ADAMTS6: variants seen among roughly 807,000 people sequenced by gnomAD.
ADAMTS6 encodes ADAM metallopeptidase with thrombospondin type 1 motif 6, also known as A disintegrin and metalloproteinase with thrombospondin motifs 6.
Under a neutral mutation model 144.3 loss-of-function variants are expected in ADAMTS6, and 23 were observed. The observed-to-expected ratio is 0.16, with a 90% confidence interval of 0.11 to 0.23. The LOEUF (loss-of-function observed/expected upper bound fraction) is 0.23. ADAMTS6 is among the 10% of genes least tolerant of loss of function. The pLI, the probability that ADAMTS6 is intolerant of heterozygous loss-of-function variation, is 1.00. For synonymous variants in ADAMTS6, 444 were observed against 457.5 expected (o/e 0.97, Z 0.38); for missense variants, 999 against 1,379.6 (o/e 0.72, Z 4.37).
At position 65,391,419 on chromosome 5, in the gene ADAMTS6, T is replaced by TACACACAC. The variant is rs34581260; in HGVS notation, c.1074-57342_1074-57335dup. On this transcript the variant is annotated intron_variant, in intron 7 of 24. Transcript: ENST00000381055. Reference sequence around the variant, plus strand: ...TGCAGCCATGTTCTCTGTGTCTCTCTACACACACACACACACACACACACA... The same window carrying TACACACAC: ...TGCAGCCATGTTCTCTGTGTCTCTCTACACACACACACACACACACACACACACACACA... Among the ~76,000 whole-genome samples the TACACACAC allele has an allele frequency of 4.0e-5, 6 of 148,710 alleles. No individual in the cohort carries two copies. The East Asian group carries it at 1.2e-3, about 30-fold the overall frequency.
intron 7 of ADAMTS6, among the ~76,000 whole-genome samples, chr5:65,439,274 A>C (rs544863788): frequency 6.6e-6 from 1 of 152,196 alleles, no homozygotes; most frequent in Admixed American, 6.5e-5. Context: ...TAAAATTTTC[A>C]TAAGAAAGTA....
intron 7 of ADAMTS6, among the ~76,000 whole-genome samples, chr5:65,442,114 C>G (rs1360963939): frequency 2.7e-5 from 4 of 147,548 alleles, no homozygotes; most frequent in Non-Finnish European, 6.0e-5. Flanking sequence ...AAAACGAAAC[C>G]AAATTTGAGA....
intron 11 of ADAMTS6, among the ~76,000 whole-genome samples, chr5:65,275,450 GA>G (rs1762457145): frequency 6.7e-6 from 1 of 149,570 alleles, no homozygotes; most frequent in Non-Finnish European, 1.5e-5. Flanking sequence ...AAAAGAAAGA[GA>G]AAGAAAGAAA....
chr5:65,358,061 C>T (rs969039594), intron 7 of ADAMTS6, among the ~76,000 whole-genome samples: 1 of 151,766 alleles, frequency 6.6e-6, no homozygotes, highest in Non-Finnish European at 1.5e-5. Flanking sequence ...CTGATAAATG[C>T]TTAATGTAAA....
intron 8 of ADAMTS6, among the ~76,000 whole-genome samples, chr5:65,329,871 T>C (rs1746548051): frequency 6.6e-6 from 1 of 152,086 alleles, no homozygotes; most frequent in Non-Finnish European, 1.5e-5. Context: ...TGTTTAAGTT[T>C]AGTGGGTTCA....
At chr5:65,430,885 A>G (rs1756951969) in intron 7 of ADAMTS6, among the ~76,000 whole-genome samples, 1 of 152,158 alleles carries the variant, frequency 6.6e-6, no homozygotes, top group Non-Finnish European at 1.5e-5. Flanking sequence ...CTTTTCTACT[A>G]CTTGATGTAG....
At chr5:65,459,853 A>T (rs1015497415) in intron 4 of ADAMTS6, among the ~76,000 whole-genome samples, 3 of 152,224 alleles carry the variant, frequency 2.0e-5, no homozygotes, top group Non-Finnish European at 4.4e-5. Flanking sequence ...GGCTAAACGA[A>T]CACCACAGAG....
intron 13 of ADAMTS6, among the ~76,000 whole-genome samples, chr5:65,262,504 A>G (rs978152267): frequency 1.3e-5 from 2 of 152,170 alleles, no homozygotes; most frequent in Non-Finnish European, 2.9e-5. Context: ...CCAGATCTGG[A>G]TTCATCCATA....
intron 15 of ADAMTS6, among the ~76,000 whole-genome samples, chr5:65,229,180 C>T (rs1299881181): frequency 6.6e-6 from 1 of 152,172 alleles, no homozygotes; most frequent in Non-Finnish European, 1.5e-5. Context: ...AGCACCTGGT[C>T]CAGCTTTGTG....
At chr5:65,216,938 CTT>C (rs1442412035) in intron 18 of ADAMTS6, among the ~76,000 whole-genome samples, 1 of 152,080 alleles carries the variant, frequency 6.6e-6, no homozygotes, top group Non-Finnish European at 1.5e-5. Context: ...ACTGCAAAAA[CTT>C]TGATTCGTCA....
intron 7 of ADAMTS6, among the ~76,000 whole-genome samples, chr5:65,377,809 T>C (rs1272137736): frequency 6.6e-6 from 1 of 152,214 alleles, no homozygotes; most frequent in Non-Finnish European, 1.5e-5. Context: ...AAATTTATCA[T>C]ATCACAATTT....
At chr5:65,387,982 G>C (rs542529080) in intron 7 of ADAMTS6, among the ~76,000 whole-genome samples, 2 of 152,034 alleles carry the variant, frequency 1.3e-5, no homozygotes, top group Non-Finnish European at 1.5e-5. Context: ...AGGCCAAGGC[G>C]GGCCTATCAC....
rs544199675 is a variant in ADAMTS6 at position 65,387,418 on chromosome 5, AG to A, written c.1074-53334del. On this transcript the variant is annotated intron_variant, in intron 7 of 24. Coordinates refer to ENST00000381055, the MANE Select transcript of ADAMTS6 (RefSeq NM_197941.4). The stretch of plus-strand genomic sequence containing the variant: ...GTAATTCTATATCCAGCACAGGACT[AG>A]GACTTCACACCTTATATATACTTAT... Among the ~76,000 whole-genome samples, 235 of 152,324 alleles carry A rather than the reference AG, an allele frequency of 1.5e-3. 1 individual carries two copies. Among genetic ancestry groups the A allele is most frequent in the Non-Finnish European group, 1.4e-3 (98 of 68,028 alleles).
intron 7 of ADAMTS6, among the ~76,000 whole-genome samples, chr5:65,358,663 T>C (rs1157968194): frequency 6.6e-6 from 1 of 152,086 alleles, no homozygotes; most frequent in East Asian, 1.9e-4. Flanking sequence ...ACCATGGTAC[T>C]GACACAGAAA....
chr5:65,455,530 A>G (rs1388516498), intron 4 of ADAMTS6, among the ~76,000 whole-genome samples: 1 of 152,200 alleles, frequency 6.6e-6, no homozygotes, highest in Non-Finnish European at 1.5e-5. Context: ...CAACAGGGCG[A>G]AACTCCATCT....
In ADAMTS6 at chr5:65,460,255, A is replaced by G; in HGVS notation, c.546T>C (p.Tyr182=). Residue 182 remains tyrosine, a synonymous_variant, in exon 4 of 25, where the codon TAT becomes TAC. Coordinates refer to ENST00000381055, the MANE Select transcript of ADAMTS6 (RefSeq NM_197941.4). ...AAATAACATGAGGGTGGCCATTTTCATAACTAAAATGCTTGGAATCCTCTG... is the reference window on the plus strand; with the variant it reads ...AAATAACATGAGGGTGGCCATTTTCGTAACTAAAATGCTTGGAATCCTCTG... ...NTTEDSKHFS[Y]ENGHPHVIYK... is the part of the protein sequence containing the mutation. 1 of 1,614,106 alleles carries G rather than the reference A, an allele frequency of 6.2e-7. No individual in the cohort carries two copies. Among genetic ancestry groups the G allele is most frequent in the Non-Finnish European group, 8.5e-7 (1 of 1,179,942 alleles).
In ADAMTS6 at chr5:65,288,285, TTTTTTTTCTTTTTTC is replaced by T. The variant is rs1248277058; in HGVS notation, c.1512+3029_1512+3043del. Among the ~76,000 whole-genome samples the T allele has an allele frequency of 2.0e-5, 3 of 150,694 alleles. No individual in the cohort carries two copies. In the South Asian group the frequency reaches 6.3e-4, roughly 32 times the overall value. On this transcript the variant is annotated intron_variant, in intron 11 of 24. Transcript: ENST00000381055. ...GCAGTATAGATCCTTCGGTAGTTCT[TTTTTTTTCTTTTTTC>T]TTTTTTTCTTTTCTTTTCTTTTTTT...
intron 9 of ADAMTS6, among the ~76,000 whole-genome samples, chr5:65,320,339 C>T (rs942806405): frequency 3.3e-5 from 5 of 151,974 alleles, no homozygotes; most frequent in Admixed American, 1.3e-4. Flanking sequence ...TTGAGTAATA[C>T]TTGAAAGACA....
At chr5:65,254,141 G>A (rs901918543) in intron 14 of ADAMTS6, among the ~76,000 whole-genome samples, 12 of 151,794 alleles carry the variant, frequency 7.9e-5, no homozygotes, top group South Asian at 2.1e-4. Flanking sequence ...CACCACGCCC[G>A]GCCACATTAC....
Sources: allele counts gnomAD v4.1 joint callset (sites outside exome capture counted in the v4.1 genomes callset), GRCh38; gene constraint gnomAD v4.1.1; transcripts MANE v1.5; gene names NCBI Gene and HGNC (gene_info 2026-07-23, HGNC 2026-07-21).